WWOX: variants seen among roughly 807,000 people sequenced by gnomAD.
The protein encoded by WWOX is WW domain containing oxidoreductase, also known as WW domain-containing oxidoreductase.
Under a neutral mutation model 46.2 loss-of-function variants are expected in WWOX, and 69 were observed. The ratio of observed to expected loss-of-function variants is 1.49; its 90% CI spans 1.23 to 1.82. WWOX has a LOEUF of 1.82. WWOX is among the 40% of genes most tolerant of loss of function. The pLI is 0.00. For synonymous variants in WWOX, 359 were observed against 202.6 expected, an observed-to-expected ratio of 1.77 and a Z score of -6.56; for missense variants, 919 against 542.6, an observed-to-expected ratio of 1.69 and a Z score of -6.89.
intron 8 of WWOX, among the ~76,000 whole-genome samples, chr16:78,818,822 C>T (rs959451587): frequency 2.0e-5 from 3 of 152,196 alleles, no homozygotes; most frequent in Admixed American, 2.0e-4. Context: ...CCAAAGGTTG[C>T]TTTTAAGCGT....
intron 8 of WWOX, among the ~76,000 whole-genome samples, chr16:79,003,460 C>T (rs550158336): frequency 5.1e-4 from 78 of 152,286 alleles, no homozygotes; most frequent in African/African-American, 1.6e-3. Flanking sequence ...AATTTACTGG[C>T]GTAAAACGAC....
chr16:78,858,469 CTT>C, intron 8 of WWOX, among the ~76,000 whole-genome samples: 1 of 151,568 alleles, frequency 6.6e-6, no homozygotes, highest in Middle Eastern at 3.4e-3. Flanking sequence ...ATTATCATGT[CTT>C]TAAAAAAAAA....
chr16:78,592,291 C>T (rs979962820), intron 8 of WWOX, among the ~76,000 whole-genome samples: 15 of 152,164 alleles, frequency 9.9e-5, no homozygotes, highest in Admixed American at 9.8e-4. Context: ...ACATATGTGT[C>T]TTCTGCCAAG....
intron 8 of WWOX, among the ~76,000 whole-genome samples, chr16:78,951,527 T>C (rs1487125998): frequency 6.6e-6 from 1 of 152,080 alleles, no homozygotes; most frequent in African/African-American, 2.4e-5. Context: ...AAAGAAGTCA[T>C]GTTATTGCTG....
chr16:78,188,882 A>C (rs2035793156), intron 5 of WWOX, among the ~76,000 whole-genome samples: 1 of 152,194 alleles, frequency 6.6e-6, no homozygotes, highest in Admixed American at 6.5e-5. Flanking sequence ...TCTGCATTTG[A>C]CTAACAGAAA....
intron 8 of WWOX, among the ~76,000 whole-genome samples, chr16:79,164,303 T>A (rs1184485838): frequency 6.6e-6 from 1 of 152,192 alleles, no homozygotes; most frequent in Non-Finnish European, 1.5e-5. Context: ...TGTGAAATGT[T>A]GCTGGTTAAC....
At chr16:78,126,515 A>G (rs1479513086) in intron 4 of WWOX, among the ~76,000 whole-genome samples, 1 of 152,132 alleles carries the variant, frequency 6.6e-6, no homozygotes, top group Non-Finnish European at 1.5e-5. Context: ...TATATGCATG[A>G]CTATTGGATA....
In WWOX at chr16:78,345,965, A is replaced by T. The variant is rs1425978517; in HGVS notation, c.517-40895A>T. Among the ~76,000 whole-genome samples, 3 of 108,900 alleles carry T rather than the reference A, an allele frequency of 2.8e-5. No homozygotes were observed. In the East Asian group the frequency reaches 5.8e-4, roughly 21 times the overall value. The allele number at this position is 108,900 out of a possible 152,430, so 71.4% of individuals were successfully genotyped here. On this transcript the variant is annotated intron_variant, in intron 5 of 8. Coordinates refer to ENST00000566780, the MANE Select transcript of WWOX (RefSeq NM_016373.4). ...CCCATGAAACCAACACGAAAATAAA[A>T]AAAATAGAACATTTACATCACCTCA...
chr16:78,807,000 T>C (rs2051058397), intron 8 of WWOX, among the ~76,000 whole-genome samples: 1 of 152,188 alleles, frequency 6.6e-6, no homozygotes, highest in Non-Finnish European at 1.5e-5. Flanking sequence ...ATCTATGAAA[T>C]GGGGGACACT....
At chr16:78,216,385 A>G (rs1208234543) in intron 5 of WWOX, among the ~76,000 whole-genome samples, 1 of 152,190 alleles carries the variant, frequency 6.6e-6, no homozygotes, top group Non-Finnish European at 1.5e-5. Context: ...GGCCGCTGTA[A>G]CACATTATCA....
intron 8 of WWOX, among the ~76,000 whole-genome samples, chr16:78,720,149 C>G (rs2048656474): frequency 6.6e-6 from 1 of 152,146 alleles, no homozygotes; most frequent in Non-Finnish European, 1.5e-5. Flanking sequence ...CCTTCTTGCC[C>G]TAATTTTAAA....
chr16:78,185,941 C>G (rs531686268), intron 5 of WWOX, among the ~76,000 whole-genome samples: 1 of 152,298 alleles, frequency 6.6e-6, no homozygotes, highest in South Asian at 2.1e-4. Context: ...GTTGGGATTA[C>G]AGGTGTGAGT....
chr16:78,785,412 C>G (rs183615326), intron 8 of WWOX, among the ~76,000 whole-genome samples: 1 of 152,210 alleles, frequency 6.6e-6, no homozygotes, highest in Non-Finnish European at 1.5e-5. Context: ...CTCTGCAACA[C>G]ACATCGGCAG....
chr16:78,753,466 G>A (rs984445163), intron 8 of WWOX, among the ~76,000 whole-genome samples: 1 of 152,070 alleles, frequency 6.6e-6, no homozygotes, highest in African/African-American at 2.4e-5. Context: ...CTTTGTTGCA[G>A]CAAATATTAC....
At chr16:78,613,775 T>C (rs981208046) in intron 8 of WWOX, among the ~76,000 whole-genome samples, 2 of 152,158 alleles carry the variant, frequency 1.3e-5, no homozygotes, top group African/African-American at 4.8e-5. Flanking sequence ...CAACCCCTTA[T>C]CAGAAACTTT....
chr16:78,160,289 C>T (rs1024823732), intron 4 of WWOX, among the ~76,000 whole-genome samples: 10 of 151,950 alleles, frequency 6.6e-5, no homozygotes, highest in East Asian at 1.9e-4. Context: ...TGCACCACCA[C>T]GCCCAACTAA....
chr16:78,914,507 A>T (rs1432001678), intron 8 of WWOX, among the ~76,000 whole-genome samples: 1 of 151,988 alleles, frequency 6.6e-6, no homozygotes, highest in Admixed American at 6.6e-5. Context: ...GATTAACTGA[A>T]TGGGAATTGA....
intron 8 of WWOX, among the ~76,000 whole-genome samples, chr16:78,478,683 A>G (rs1006667135): frequency 1.3e-5 from 2 of 152,224 alleles, no homozygotes; most frequent in Admixed American, 6.5e-5. Flanking sequence ...CTGGCAGGAA[A>G]GAGTTTTAAT....
chr16:78,589,503 C>T (rs1416785336), intron 8 of WWOX, among the ~76,000 whole-genome samples: 1 of 152,186 alleles, frequency 6.6e-6, no homozygotes, highest in Non-Finnish European at 1.5e-5. Flanking sequence ...TCTCAGCCTC[C>T]CTGCCCATGG....
Sources: gnomAD v4.1 joint callset for allele counts (sites outside exome capture counted in the v4.1 genomes callset) on GRCh38, gnomAD v4.1.1 for gene constraint, MANE v1.5 for transcripts, NCBI Gene and HGNC (gene_info 2026-07-23, HGNC 2026-07-21) for gene names.